The following PLCH1 variants were observed in gnomAD, a reference collection of about 807,000 sequenced individuals.
PLCH1 encodes the protein 1-phosphatidylinositol 4,5-bisphosphate phosphodiesterase eta-1.
In PLCH1, 60 loss-of-function variants were observed where a neutral mutation model predicts 126.7. That is an observed-to-expected ratio of 0.47 (90% confidence interval 0.38 to 0.59). The LOEUF (loss-of-function observed/expected upper bound fraction) is 0.59, where lower values mean the gene tolerates loss of function less well. Ranked by LOEUF, PLCH1 falls within the 20% of genes least tolerant of loss-of-function variation. The probability of loss-of-function intolerance (pLI) is 0.00; values close to 1 mark genes in which losing one functional copy is unlikely to be tolerated. For synonymous variants in PLCH1, 719 were observed against 734.9 expected (o/e 0.98, Z 0.35); for missense variants, 1,723 against 2,040.0 (o/e 0.84, Z 2.99).
intron 2 of PLCH1, among the ~76,000 whole-genome samples, chr3:155,697,170 T>G (rs995696139): frequency 6.6e-6 from 1 of 152,190 alleles, no homozygotes; most frequent in Non-Finnish European, 1.5e-5. Flanking sequence ...TGGATTTTTA[T>G]ACATACAGAT....
At chr3:155,553,402 C>T (rs1039175637) in intron 9 of PLCH1, among the ~76,000 whole-genome samples, 4 of 152,142 alleles carry the variant, frequency 2.6e-5, no homozygotes, top group Non-Finnish European at 5.9e-5. Flanking sequence ...CCACCGTGCC[C>T]GGCCTCACTG....
intron 6 of PLCH1, among the ~76,000 whole-genome samples, chr3:155,573,659 G>T (rs1326727499): frequency 1.3e-5 from 2 of 152,168 alleles, no homozygotes; most frequent in Non-Finnish European, 2.9e-5. Context: ...AAATCTTCAA[G>T]ACTCCCTGAG....
At chr3:155,716,591 G>A (rs968123358) in intron 1 of PLCH1, among the ~76,000 whole-genome samples, 7 of 152,098 alleles carry the variant, frequency 4.6e-5, no homozygotes, top group African/African-American at 1.7e-4. Context: ...GAATACGATG[G>A]GGGGTGCCAC....
intron 3 of PLCH1, among the ~76,000 whole-genome samples, chr3:155,594,989 T>C (rs534044362): frequency 3.3e-5 from 5 of 152,218 alleles, no homozygotes; most frequent in South Asian, 2.1e-4. Flanking sequence ...GAAAATGCCA[T>C]AGGGCTAAGG....
intron 2 of PLCH1, among the ~76,000 whole-genome samples, chr3:155,688,119 G>A (rs1301880390): frequency 6.6e-6 from 1 of 152,120 alleles, no homozygotes; most frequent in African/African-American, 2.4e-5. Flanking sequence ...TAGGCAAGGA[G>A]AGCCCTGTCT....
chr3:155,546,933 A>T (rs1725376430), intron 10 of PLCH1, among the ~76,000 whole-genome samples: 1 of 137,270 alleles, frequency 7.3e-6, no homozygotes, highest in Admixed American at 7.5e-5. Context: ...AACCATAAAA[A>T]CCCTAGAAGA....
intron 1 of PLCH1, among the ~76,000 whole-genome samples, chr3:155,708,608 C>T (rs962383956): frequency 6.6e-6 from 1 of 152,166 alleles, no homozygotes; most frequent in Non-Finnish European, 1.5e-5. Context: ...ATACTACATT[C>T]ATTTATTTTT....
intron 2 of PLCH1, among the ~76,000 whole-genome samples, chr3:155,690,525 T>C (rs1264386505): frequency 6.6e-6 from 1 of 152,180 alleles, no homozygotes; most frequent in Non-Finnish European, 1.5e-5. Flanking sequence ...GACTATATCT[T>C]CATATGTTTT....
intron 1 of PLCH1, among the ~76,000 whole-genome samples, chr3:155,735,377 T>C (rs1749098685): frequency 6.7e-6 from 1 of 149,100 alleles, no homozygotes; most frequent in South Asian, 2.2e-4. Context: ...CTCACGCCTG[T>C]AATCCCAACA....
chr3:155,451,702 G>A (rs1712312676), intron 21 of PLCH1, among the ~76,000 whole-genome samples: 1 of 152,108 alleles, frequency 6.6e-6, no homozygotes, highest in African/African-American at 2.4e-5. Flanking sequence ...AAAAGTAATG[G>A]CAAAATACTT....
chr3:155,652,707 T>C (rs972473338), intron 2 of PLCH1, among the ~76,000 whole-genome samples: 1 of 152,158 alleles, frequency 6.6e-6, no homozygotes, highest in Non-Finnish European at 1.5e-5. Flanking sequence ...CTCACACCTA[T>C]GAACAAAGCA....
At chr3:155,503,665 G>A (rs1289943574) in intron 13 of PLCH1, among the ~76,000 whole-genome samples, 2 of 151,880 alleles carry the variant, frequency 1.3e-5, no homozygotes. Context: ...AGCCTCCTGA[G>A]TAGCTGGGAT....
At chr3:155,593,290 C>CT (rs1264518935) in intron 4 of PLCH1, among the ~76,000 whole-genome samples, 9 of 152,290 alleles carry the variant, frequency 5.9e-5, no homozygotes, top group Admixed American at 2.0e-4. Flanking sequence ...TGCCTGCAGA[C>CT]CAACTCCATT....
chr3:155,539,842 C>G (rs1177177048), intron 10 of PLCH1, among the ~76,000 whole-genome samples: 1 of 151,914 alleles, frequency 6.6e-6, no homozygotes, highest in Non-Finnish European at 1.5e-5. Context: ...TCTATGTAAT[C>G]CCTATCAAAA....
Position 155,480,062 on chromosome 3 carries a change from G to A in PLCH1, c.*906C>T, listed in dbSNP as rs982947134. ...TTGCTTGGTTCCCTGAAGGAAAAGG[G>A]TTTCTTCTAATTATCTGTTCACTTG... On this transcript the variant is annotated 3_prime_UTR_variant, in exon 23 of 23. Transcript: ENST00000460012. 1.2e-4 allele frequency: 18 copies of A among 152,500 alleles called. No homozygotes were observed. The highest frequency in any genetic ancestry group is 3.6e-4 in the African/African-American group (15 of 41,404). 9.4% of individuals were successfully genotyped at this position (152,500 alleles called of 1,614,324 possible).
In PLCH1 at chr3:155,492,777, T is replaced by C; in HGVS notation, c.2259A>G (p.Gly753=). The C allele has an allele frequency of 1.2e-6, 2 of 1,607,006 alleles. No individual in the cohort carries two copies. The highest frequency in any genetic ancestry group is 2.3e-5 in the East Asian group (1 of 44,340). ...AGTCTGGAGGTTTGGGGAGTTGCTGTCCACTGATAACTTTCAGGATGAGCT... is the reference window on the plus strand; with the variant it reads ...AGTCTGGAGGTTTGGGGAGTTGCTGCCCACTGATAACTTTCAGGATGAGCT... ...KKQLILKVIS[G]QQLPKPPDSM... The change falls in exon 18 of 23, where the codon GGA becomes GGG. Residue 753 remains glycine, a synonymous_variant. Coordinates refer to ENST00000460012, the MANE Select transcript of PLCH1 (RefSeq NM_014996.4).
chr3:155,713,197 G>C (rs1747273243), intron 1 of PLCH1, among the ~76,000 whole-genome samples: 1 of 152,012 alleles, frequency 6.6e-6, no homozygotes, highest in Non-Finnish European at 1.5e-5. Context: ...AATTACTCAG[G>C]ACAGACAAGA....
intron 2 of PLCH1, among the ~76,000 whole-genome samples, chr3:155,697,202 C>T (rs1203156600): frequency 2.0e-5 from 3 of 152,142 alleles, no homozygotes; most frequent in African/African-American, 7.2e-5. Flanking sequence ...TCTGATCAAT[C>T]CAGCTACATA....
Position 155,504,579 on chromosome 3 carries a change from G to A in PLCH1, c.1680C>T (p.Leu560=), listed in dbSNP as rs761184590. The A allele has an allele frequency of 1.1e-5, 17 of 1,606,068 alleles. No homozygotes were observed. The highest frequency in any genetic ancestry group is 1.3e-5 in the Non-Finnish European group (15 of 1,172,842). The change falls in exon 13 of 23, where the codon CTC becomes CTT. Residue 560 remains leucine (L), a synonymous_variant. Coordinates refer to ENST00000460012, the MANE Select transcript of PLCH1 (RefSeq NM_014996.4). ...CCTTATGTTTTCCAAAGTTGGTCAT[G>A]AGGGATCGTCCATGTGATTTCTTTC... The part of the protein sequence containing the change: ...ESGKKSHGRS[L]MTNFGKHKKT...
Sources: allele counts gnomAD v4.1 joint callset (sites outside exome capture counted in the v4.1 genomes callset), GRCh38; gene constraint gnomAD v4.1.1; transcripts MANE v1.5; gene names NCBI Gene and HGNC (gene_info 2026-07-23, HGNC 2026-07-21).